Variants in EVC observed in about 807,000 individuals in gnomAD.
EVC encodes the protein evC complex member EVC.
Under a neutral mutation model 118.9 loss-of-function variants are expected in EVC, and 116 were observed. The ratio of observed to expected loss-of-function variants is 0.98; its 90% confidence interval spans 0.84 to 1.14. The LOEUF is 1.14. Ranked by LOEUF, EVC falls within the 50% of genes most tolerant of loss-of-function variation. EVC has a pLI of 0.00. For synonymous variants in EVC, 619 were observed against 534.7 expected, an observed-to-expected ratio of 1.16 and a Z score of -2.18; for missense variants, 1,401 against 1,246.4, an observed-to-expected ratio of 1.12 and a Z score of -1.87.
chr4:5,747,935 GCAAAAC>G (rs1729618027), intron 7 of EVC: 1 of 591,328 alleles, frequency 1.7e-6, no homozygotes, highest in Admixed American at 2.3e-5. Context: ...AAACACCATT[GCAAAAC>G]TGACTGACAC....
rs1724577546 is a variant in EVC, at chr4:5,719,450, G to T, written c.300+77G>T. On this transcript the variant is annotated intron_variant, in intron 2 of 20. Coordinates refer to ENST00000264956, the MANE Select transcript of EVC (RefSeq NM_153717.3). The surrounding 1 kb of genome is among the most constrained non-coding windows in gnomAD (Gnocchi z 4.7). ...ATTCCCCCTGGAAGCCGGGTGTCAT[G>T]TAGACAAGCCTCTGACAGATATAGT... The T allele has an allele frequency of 6.2e-7, 1 of 1,605,870 alleles. No individual in the cohort carries two copies. Among genetic ancestry groups the T allele is most frequent in the African/African-American group, 1.3e-5 (1 of 74,884 alleles).
intron 11 of EVC, among the ~76,000 whole-genome samples, chr4:5,769,064 A>G (rs1271375186): frequency 1.3e-5 from 2 of 152,088 alleles, no homozygotes; most frequent in South Asian, 2.1e-4. Context: ...ATGGTCACCT[A>G]TATTAATTTG....
At chr4:5,772,808 G>C (rs565263908) in intron 11 of EVC, among the ~76,000 whole-genome samples, 2 of 152,230 alleles carry the variant, frequency 1.3e-5, no homozygotes, top group Non-Finnish European at 2.9e-5. Flanking sequence ...TCCCCCAAGG[G>C]TGCACTTGTC....
At chr4:5,767,912 A>T (rs1733205637) in intron 11 of EVC, among the ~76,000 whole-genome samples, 1 of 152,096 alleles carries the variant, frequency 6.6e-6, no homozygotes. Context: ...CTATTCGGCC[A>T]TCTTGGCCCC....
At chr4:5,748,780 C>T (rs78320217) in intron 8 of EVC, among the ~76,000 whole-genome samples, 3 of 81,894 alleles carry the variant, frequency 3.7e-5, no homozygotes, top group East Asian at 5.0e-4. Context: ...ATCCATCCAC[C>T]CATCCATCCA....
intron 11 of EVC, among the ~76,000 whole-genome samples, chr4:5,781,729 A>C (rs889467706): frequency 6.6e-6 from 1 of 152,140 alleles, no homozygotes; most frequent in African/African-American, 2.4e-5. Flanking sequence ...AGTCCCAGCT[A>C]TTTGGGAGGC....
intron 19 of EVC, 146 bp downstream of exon 19, chr4:5,809,757 A>T (rs1222619050): frequency 1.3e-6 from 1 of 779,558 alleles, no homozygotes; most frequent in East Asian, 2.7e-5. Context: ...TCTGTAAATG[A>T]GCAGGCTTGG....
chr4:5,747,431 C>G (rs1362883946), intron 7 of EVC, among the ~76,000 whole-genome samples: 1 of 152,194 alleles, frequency 6.6e-6, no homozygotes, highest in Non-Finnish European at 1.5e-5. Flanking sequence ...TGACCTAACT[C>G]CCCCGAGCCT....
In EVC at chr4:5,748,018, C is replaced by A; in HGVS notation, c.940-130C>A. Reference sequence around the variant, plus strand: ...CGTGATTGTTGCCAAGATAAACTCACTGAAACTGTAGAATTGTTTAGAATC... The same window carrying A: ...CGTGATTGTTGCCAAGATAAACTCAATGAAACTGTAGAATTGTTTAGAATC... On this transcript the variant is annotated intron_variant, in intron 7 of 20. Coordinates refer to ENST00000264956, the MANE Select transcript of EVC (RefSeq NM_153717.3). 11 of 1,049,416 alleles carry A rather than the reference C, an allele frequency of 1.0e-5. No individual in the cohort carries two copies. The South Asian group carries it at 1.3e-4, about 13-fold the overall frequency. The allele number at this position is 1,049,416 out of a possible 1,614,324, so 65.0% of individuals were successfully genotyped here.
chr4:5,816,018 C>A (rs1240459227), downstream of EVC, among the ~76,000 whole-genome samples: 3 of 146,024 alleles, frequency 2.1e-5, no homozygotes, highest in Non-Finnish European at 2.9e-5. Context: ...TACTATTTTC[C>A]CCCCATGGCT....
At chr4:5,724,383 T>C (rs1725464017) in intron 2 of EVC, among the ~76,000 whole-genome samples, 1 of 152,214 alleles carries the variant, frequency 6.6e-6, no homozygotes, top group South Asian at 2.1e-4. Flanking sequence ...TGATATAGGT[T>C]TCTGAACACG....
intron 11 of EVC, among the ~76,000 whole-genome samples, chr4:5,767,556 C>T (rs556137281): frequency 2.0e-5 from 3 of 151,142 alleles, no homozygotes; most frequent in East Asian, 3.9e-4. Context: ...AGCGAGACTC[C>T]TTGGGCATAG....
chr4:5,759,369 A>G (rs943422117), intron 11 of EVC, among the ~76,000 whole-genome samples: 3 of 152,068 alleles, frequency 2.0e-5, no homozygotes, highest in Non-Finnish European at 4.4e-5. Context: ...TTGACTACCT[A>G]TCCTGCCTTA....
intron 2 of EVC, among the ~76,000 whole-genome samples, chr4:5,725,796 G>A (rs961910466): frequency 3.9e-5 from 6 of 152,158 alleles, no homozygotes; most frequent in Non-Finnish European, 8.8e-5. Context: ...GCCTGTGCCT[G>A]TGTCCTGAAT....
chr4:5,820,493 G>A, the EVC span, among the ~76,000 whole-genome samples: 1 of 152,168 alleles, frequency 6.6e-6, no homozygotes, highest in African/African-American at 2.4e-5. Flanking sequence ...AATACAAGAA[G>A]AAAGAGAGCC....
chr4:5,741,138 C>G (rs1728506015), intron 5 of EVC, among the ~76,000 whole-genome samples: 1 of 152,164 alleles, frequency 6.6e-6, no homozygotes, highest in Non-Finnish European at 1.5e-5. Flanking sequence ...CAAATGTTCA[C>G]AGCAGCATTG....
In EVC at chr4:5,729,313, G is replaced by T. The variant is rs1285992043; in HGVS notation, c.307G>T (p.Glu103Ter). 1 of 1,614,106 alleles carries T rather than the reference G, an allele frequency of 6.2e-7. No homozygotes were observed. Among genetic ancestry groups the T allele is most frequent in the Admixed American group, 1.7e-5 (1 of 60,018 alleles). ...TTGTGTCTTTCCCTCCCAGGAATGT[G>T]AGCCGCCTTCCAACAGCAATATCAC... ...SKDKEAVDECEPPSNSNITAF... is the reference protein window; with the variant it reads ...SKDKEAVDEC The change falls in exon 3 of 21, where the codon GAG (glutamate) becomes TAG (stop). Residue 103 changes from glutamate to a stop codon, truncating the protein, a stop_gained. Coordinates refer to ENST00000264956, the MANE Select transcript of EVC (RefSeq NM_153717.3). LOFTEE classifies it high-confidence loss of function.
At chr4:5,805,541 G>A (rs984619918) in intron 17 of EVC, among the ~76,000 whole-genome samples, 1 of 152,198 alleles carries the variant, frequency 6.6e-6, no homozygotes, top group Non-Finnish European at 1.5e-5. Flanking sequence ...CAGATGTGGG[G>A]CGCAGAAGCA....
chr4:5,751,563 G>T (rs1939363415), intron 8 of EVC, among the ~76,000 whole-genome samples: 1 of 152,262 alleles, frequency 6.6e-6, no homozygotes, highest in Admixed American at 6.5e-5. Flanking sequence ...CCCTAGTCTT[G>T]TGTTGTGGGA....
Sources: allele counts gnomAD v4.1 joint callset (sites outside exome capture counted in the v4.1 genomes callset), GRCh38; gene constraint gnomAD v4.1.1; non-coding constraint Gnocchi (gnomAD v3.1); transcripts MANE v1.5; gene names NCBI Gene and HGNC (gene_info 2026-07-23, HGNC 2026-07-21).